The following SBF2 variants were observed in gnomAD, a reference collection of about 807,000 sequenced individuals.
The protein encoded by SBF2 is SET binding factor 2.
SBF2 carries 112 observed loss-of-function variants against 225.2 expected under a neutral mutation model. The observed-to-expected ratio is 0.50, with a 90% CI of 0.43 to 0.58. The LOEUF is 0.58. Among genes scored for constraint, SBF2 ranks in the 20% least tolerant of loss-of-function variants. The probability of loss-of-function intolerance (pLI) is 0.00; values close to 1 mark genes in which losing one functional copy is unlikely to be tolerated. For missense variants in SBF2, 1,996 were observed against 2,206.2 expected (o/e 0.90, Z 1.91); for synonymous variants, 763 against 773.3 (o/e 0.99, Z 0.22).
At chr11:10,164,222 A>AAT (rs1565303961) in intron 2 of SBF2, among the ~76,000 whole-genome samples, 1 of 152,184 alleles carries the variant, frequency 6.6e-6, no homozygotes, top group Non-Finnish European at 1.5e-5. Flanking sequence ...CAGCCTTATT[A>AAT]ATAAAACATC....
At chr11:10,135,920 G>C (rs1954324934) in intron 2 of SBF2, among the ~76,000 whole-genome samples, 1 of 151,890 alleles carries the variant, frequency 6.6e-6, no homozygotes, top group Non-Finnish European at 1.5e-5. Flanking sequence ...CACTCTCCTG[G>C]TACCAATTTA....
At chr11:9,799,250 T>C (rs1453237636) in intron 32 of SBF2, among the ~76,000 whole-genome samples, 3 of 152,178 alleles carry the variant, frequency 2.0e-5, no homozygotes, top group African/African-American at 7.2e-5. Context: ...TAGCCCAGTA[T>C]ATTGGCCTCA....
intron 1 of SBF2, among the ~76,000 whole-genome samples, chr11:10,204,519 G>C (rs566223413): frequency 9.9e-5 from 15 of 151,906 alleles, no homozygotes; most frequent in African/African-American, 3.6e-4. Context: ...GGCTCCTGTA[G>C]TCCCAGCTAC....
chr11:9,821,437 T>G (rs1324094137), intron 28 of SBF2, among the ~76,000 whole-genome samples: 1 of 152,162 alleles, frequency 6.6e-6, no homozygotes, highest in Non-Finnish European at 1.5e-5. Context: ...TCCGCAATGA[T>G]AAAATGGCCA....
intron 16 of SBF2, among the ~76,000 whole-genome samples, chr11:9,932,195 G>A (rs1487150887): frequency 1.3e-5 from 2 of 152,268 alleles, no homozygotes; most frequent in South Asian, 2.1e-4. Flanking sequence ...GAACCAAGTT[G>A]GAAAACACTC....
intron 17 of SBF2, among the ~76,000 whole-genome samples, chr11:9,876,315 C>T (rs1003370496): frequency 6.6e-6 from 1 of 152,208 alleles, no homozygotes; most frequent in Non-Finnish European, 1.5e-5. Flanking sequence ...TCAAAATGCC[C>T]TCCCTGTTTG....
chr11:9,794,676 CAAAAAAAAAAAAAAAAA>C (rs575749593), intron 33 of SBF2, among the ~76,000 whole-genome samples: 14 of 35,348 alleles, frequency 4.0e-4, no homozygotes, highest in African/African-American at 7.4e-4. Context: ...GACTCCGTCT[CAAAAAAAAAAAAAAAAA>C]AAAAAAAAAA....
intron 2 of SBF2, among the ~76,000 whole-genome samples, chr11:10,161,819 T>A (rs72861711): frequency 0.28 from 40,456 of 146,432 alleles, 5,881 homozygotes; most frequent in Middle Eastern, 0.34. Flanking sequence ...AAAAAAATAA[T>A]AATTAAAAAA....
intron 17 of SBF2, among the ~76,000 whole-genome samples, chr11:9,873,683 C>T (rs1488695340): frequency 1.3e-5 from 2 of 152,164 alleles, no homozygotes; most frequent in Admixed American, 1.3e-4. Context: ...TATTTAGCTC[C>T]AAAGAGCTTT....
intron 15 of SBF2, among the ~76,000 whole-genome samples, chr11:9,962,480 A>G (rs533132531): frequency 7.7e-4 from 117 of 152,340 alleles, no homozygotes; most frequent in African/African-American, 2.6e-3. Context: ...GCAAGAACAG[A>G]AAGAAAAATT....
intron 17 of SBF2, among the ~76,000 whole-genome samples, chr11:9,895,383 A>G (rs1265140888): frequency 6.6e-6 from 1 of 152,182 alleles, no homozygotes; most frequent in Non-Finnish European, 1.5e-5. Context: ...GGGAAAAGAA[A>G]TTTGCTGGTT....
At position 10,104,883 on chromosome 11, in the gene SBF2, T is replaced by C. The variant is rs1424093917; in HGVS notation, c.142-61902A>G. Among the ~76,000 whole-genome samples, 5 of 152,244 alleles carry C rather than the reference T, an allele frequency of 3.3e-5. No individual in the cohort carries two copies. In the East Asian group the frequency reaches 7.7e-4, roughly 23 times the overall value. On this transcript the variant is annotated intron_variant, in intron 2 of 39. Transcript: ENST00000256190. ...TCGTTTCAGAAGTCATCTTTGACTA[T>C]ATTATTTTCTCTTCTTCACTGAGTA...
intron 17 of SBF2, among the ~76,000 whole-genome samples, chr11:9,879,397 A>G (rs573230854): frequency 4.6e-5 from 7 of 152,102 alleles, no homozygotes; most frequent in Non-Finnish European, 1.0e-4. Flanking sequence ...TCCTATCTTC[A>G]GGCTACAAAG....
intron 14 of SBF2, among the ~76,000 whole-genome samples, chr11:9,964,919 T>C (rs936969469): frequency 2.6e-5 from 4 of 152,188 alleles, no homozygotes; most frequent in Non-Finnish European, 4.4e-5. Flanking sequence ...CCTTGTCACA[T>C]GGACATACTG....
chr11:10,194,625 C>T (rs1221511131), intron 1 of SBF2, among the ~76,000 whole-genome samples: 2 of 152,138 alleles, frequency 1.3e-5, no homozygotes, highest in Non-Finnish European at 2.9e-5. Flanking sequence ...ATTCTCCTGG[C>T]TCAGCCTCCC....
intron 6 of SBF2, among the ~76,000 whole-genome samples, chr11:10,025,910 T>G (rs1036874546): frequency 9.2e-5 from 14 of 152,118 alleles, no homozygotes; most frequent in African/African-American, 3.4e-4. Context: ...CTAGCGGATG[T>G]TCTTTATATT....
upstream of SBF2, among the ~76,000 whole-genome samples, chr11:10,295,629 C>T (rs1387687222): frequency 6.6e-6 from 1 of 151,848 alleles, no homozygotes; most frequent in Non-Finnish European, 1.5e-5. Context: ...CAGCAATCCT[C>T]TCTGTAACTT....
At chr11:9,828,343 C>A in intron 28 of SBF2, 11 of 1,179,028 alleles carry the variant, frequency 9.3e-6, no homozygotes, top group Non-Finnish European at 1.2e-5. Context: ...CTTTTAAGTA[C>A]CCAAAGCTTT....
At chr11:10,266,806 G>T (rs894394869) in intron 1 of SBF2, among the ~76,000 whole-genome samples, 5 of 152,162 alleles carry the variant, frequency 3.3e-5, no homozygotes, top group Admixed American at 2.0e-4. Flanking sequence ...AACGGAAGAG[G>T]GTCCGGGCGT....
Sources: allele counts gnomAD v4.1 joint callset (sites outside exome capture counted in the v4.1 genomes callset), GRCh38; gene constraint gnomAD v4.1.1; transcripts MANE v1.5; gene names NCBI Gene and HGNC (gene_info 2026-07-23, HGNC 2026-07-21).